MAPKAP1: variants seen among roughly 807,000 people sequenced by gnomAD.
The protein encoded by MAPKAP1 is target of rapamycin complex 2 subunit MAPKAP1.
Under a neutral mutation model 65.7 loss-of-function variants are expected in MAPKAP1, and 20 were observed. The ratio of observed to expected loss-of-function variants is 0.30; its 90% CI spans 0.21 to 0.44. MAPKAP1 has a LOEUF of 0.44. Among genes scored for constraint, MAPKAP1 ranks in the 20% least tolerant of loss-of-function variants. The pLI, the probability that MAPKAP1 is intolerant of heterozygous loss-of-function variation, is 1.00. For synonymous variants in MAPKAP1, 222 were observed against 244.3 expected (o/e 0.91, Z 0.85); for missense variants, 423 against 648.0 (o/e 0.65, Z 3.77).
chr9:125,693,686 CGT>C (rs755036094), intron 1 of MAPKAP1, among the ~76,000 whole-genome samples: 2,311 of 128,952 alleles, frequency 0.018, 150 homozygotes, highest in Middle Eastern at 0.042. Flanking sequence ...TATATATACA[CGT>C]ATATATACAC....
At chr9:125,656,050 G>C (rs777017908) in intron 4 of MAPKAP1, among the ~76,000 whole-genome samples, 1 of 152,164 alleles carries the variant, frequency 6.6e-6, no homozygotes, top group African/African-American at 2.4e-5. Flanking sequence ...GAGAATTATA[G>C]AGTATTTTAA....
chr9:125,577,938 C>T (rs1395618954), intron 5 of MAPKAP1, among the ~76,000 whole-genome samples: 1 of 151,738 alleles, frequency 6.6e-6, no homozygotes, highest in Non-Finnish European at 1.5e-5. Context: ...GTGTACCCAA[C>T]AGCTCATTGA....
intron 1 of MAPKAP1, among the ~76,000 whole-genome samples, chr9:125,677,827 A>T (rs1282303843): frequency 6.6e-6 from 1 of 152,190 alleles, no homozygotes; most frequent in Non-Finnish European, 1.5e-5. Context: ...CACGTTCTTT[A>T]AAGCATAAAG....
chr9:125,592,291 G>A (rs918449838), intron 4 of MAPKAP1, among the ~76,000 whole-genome samples: 1 of 152,134 alleles, frequency 6.6e-6, no homozygotes, highest in East Asian at 1.9e-4. Context: ...ACCCTTCCAT[G>A]CAACAGAACC....
At chr9:125,537,711 G>A (rs921229847) in intron 7 of MAPKAP1, among the ~76,000 whole-genome samples, 3 of 152,176 alleles carry the variant, frequency 2.0e-5, no homozygotes, top group Non-Finnish European at 4.4e-5. Flanking sequence ...TCAAACTGCT[G>A]GGTTCAAGCA....
rs1028522330 is a variant in MAPKAP1 at position 125,447,482 on chromosome 9, G to A, written c.1346-2884C>T. On this transcript the variant is annotated intron_variant, in intron 10 of 11. Transcript: ENST00000265960. The surrounding 1 kb of genome is among the most constrained non-coding windows in gnomAD (Gnocchi z 4.5). ...TTGCTCTCTGCAAGGAGTGATGAGC[G>A]GAACCCTGGGGGGCAAGGGCAGGTT... is the stretch of plus-strand genomic sequence containing the variant. 1.5e-5 allele frequency: 7 copies of A among 456,488 alleles called. No individual in the cohort carries two copies. The highest frequency in any genetic ancestry group is 7.0e-5 in the Admixed American group (3 of 42,570). The allele number at this position is 456,488 out of a possible 1,614,324, so 28.3% of individuals were successfully genotyped here. A position where few individuals can be genotyped will look rare whatever the true frequency, so the allele number is the denominator to read the frequency against.
intron 6 of MAPKAP1, among the ~76,000 whole-genome samples, chr9:125,555,602 C>G (rs474489): frequency 0.57 from 86,186 of 152,042 alleles, 24,786 homozygotes; most frequent in East Asian, 0.82. Flanking sequence ...GTGGGACACA[C>G]TGCTGGGTCA....
chr9:125,689,725 TGA>T (rs1835107756), intron 1 of MAPKAP1, among the ~76,000 whole-genome samples: 1 of 115,564 alleles, frequency 8.7e-6, no homozygotes, highest in African/African-American at 3.3e-5. Flanking sequence ...GGCGACAGAG[TGA>T]GACTCCATCT....
At chr9:125,465,416 C>G (rs1853635583) in intron 10 of MAPKAP1, among the ~76,000 whole-genome samples, 1 of 152,078 alleles carries the variant, frequency 6.6e-6, no homozygotes, top group South Asian at 2.1e-4. Flanking sequence ...AATAAAGAAA[C>G]AGAAGACGCC....
chr9:125,455,902 C>T (rs557173883), intron 10 of MAPKAP1, among the ~76,000 whole-genome samples: 2 of 152,204 alleles, frequency 1.3e-5, no homozygotes, highest in Non-Finnish European at 2.9e-5. Context: ...TTTTACCCTC[C>T]AGCCTTTCAC....
chr9:125,642,276 CTT>C (rs1184483696), intron 4 of MAPKAP1, among the ~76,000 whole-genome samples: 2 of 151,984 alleles, frequency 1.3e-5, no homozygotes, highest in East Asian at 3.9e-4. Flanking sequence ...GAAGTAATCT[CTT>C]TACATTTTGT....
intron 1 of MAPKAP1, among the ~76,000 whole-genome samples, chr9:125,693,570 TAC>T (rs766707950): frequency 3.6e-4 from 53 of 147,356 alleles, no homozygotes; most frequent in African/African-American, 1.2e-3. Context: ...CATATATACA[TAC>T]ACACACATAT....
intron 10 of MAPKAP1, among the ~76,000 whole-genome samples, chr9:125,459,947 AAG>A (rs1157623475): frequency 2.6e-5 from 4 of 152,166 alleles, no homozygotes; most frequent in Non-Finnish European, 5.9e-5. Flanking sequence ...TTCCATGTCT[AAG>A]AGAGTAACTT....
At chr9:125,637,906 G>A (rs1833471730) in intron 4 of MAPKAP1, among the ~76,000 whole-genome samples, 1 of 152,152 alleles carries the variant, frequency 6.6e-6, no homozygotes, top group Middle Eastern at 3.2e-3. Context: ...CCAAGTAGCT[G>A]GGATTACAGG....
chr9:125,652,275 T>C, intron 4 of MAPKAP1: 3 of 1,217,628 alleles, frequency 2.5e-6, no homozygotes, highest in Non-Finnish European at 3.2e-6. Flanking sequence ...AAGAGCAGCA[T>C]GCAAAAATGT....
At chr9:125,681,863 C>T (rs1251001892) in intron 1 of MAPKAP1, among the ~76,000 whole-genome samples, 4 of 152,268 alleles carry the variant, frequency 2.6e-5, no homozygotes, top group South Asian at 4.1e-4. Context: ...CTTGACTTCC[C>T]GGGCTCAAGT....
intron 7 of MAPKAP1, among the ~76,000 whole-genome samples, chr9:125,524,699 CT>C (rs1394247497): frequency 6.6e-6 from 1 of 152,216 alleles, no homozygotes; most frequent in African/African-American, 2.4e-5. Context: ...GCCCTGCTGG[CT>C]TTCCATTTGC....
chr9:125,646,291 A>G (rs1833723436), intron 4 of MAPKAP1, among the ~76,000 whole-genome samples: 1 of 152,200 alleles, frequency 6.6e-6, no homozygotes, highest in African/African-American at 2.4e-5. Flanking sequence ...CCTGGACAAC[A>G]GAGCAACACC....
chr9:125,669,936 T>C (rs770050046), intron 2 of MAPKAP1, 29 bp from the exon 3 acceptor site: 9 of 1,347,740 alleles, frequency 6.7e-6, no homozygotes, highest in Non-Finnish European at 8.3e-6. Context: ...AACTGTAAGT[T>C]TGTCAATGAA....
Sources: gnomAD v4.1 joint callset for allele counts (sites outside exome capture counted in the v4.1 genomes callset) on GRCh38, gnomAD v4.1.1 for gene constraint, Gnocchi (gnomAD v3.1) non-coding constraint, MANE v1.5 for transcripts, NCBI Gene and HGNC (gene_info 2026-07-23, HGNC 2026-07-21) for gene names.